The following NAALADL2 variants were observed in gnomAD, a reference collection of about 807,000 sequenced individuals.
The protein encoded by NAALADL2 is N-acetylated alpha-linked acidic dipeptidase like 2.
In NAALADL2, 76 loss-of-function variants were observed where a neutral mutation model predicts 87.2. The observed-to-expected ratio is 0.87, with a 90% CI of 0.72 to 1.05. The LOEUF (loss-of-function observed/expected upper bound fraction) is 1.05, where lower values mean the gene tolerates loss of function less well. Ranked by LOEUF, NAALADL2 falls within the 50% of genes least tolerant of loss-of-function variation. The pLI is 0.00. For missense variants in NAALADL2, 1,089 were observed against 945.8 expected (o/e 1.15, Z -1.99); for synonymous variants, 354 against 331.0 (o/e 1.07, Z -0.75).
rs1342171842 is a variant in NAALADL2, at chr3:175,701,471, T to G, written c.1897-35835T>G. ...TCACGATAGACCCAGGTCTCTGGTA[T>G]GCCTATGTGTGCGTGTATTAATATT... is the stretch of plus-strand genomic sequence containing the variant. On this transcript the variant is annotated intron_variant, in intron 11 of 13. Transcript: ENST00000454872. 2.0e-5 allele frequency among the ~76,000 whole-genome samples: 3 copies of G among 152,342 alleles called. No individual in the cohort carries two copies. In the East Asian group the frequency reaches 5.8e-4, roughly 29 times the overall value.
At position 175,332,353 on chromosome 3, in the gene NAALADL2, C is replaced by T. The variant is rs115697650; in HGVS notation, c.1090+8028C>T. Among the ~76,000 whole-genome samples, 252 of 152,246 alleles carry T rather than the reference C, an allele frequency of 1.7e-3. 2 individuals are homozygous for T. Among genetic ancestry groups the T allele is most frequent in the African/African-American group, 5.8e-3 (243 of 41,556 alleles). On this transcript the variant is annotated intron_variant, in intron 5 of 13. Coordinates refer to ENST00000454872, the MANE Select transcript of NAALADL2 (RefSeq NM_207015.3). ...CAAGCATATAGTAAACGAAACAATACGGTATTGGTATAAAAACAGAAACAC... is the reference window on the plus strand; with the variant it reads ...CAAGCATATAGTAAACGAAACAATATGGTATTGGTATAAAAACAGAAACAC...
chr3:174,942,068 G>T (rs1350581244), intron 1 of NAALADL2, among the ~76,000 whole-genome samples: 1 of 151,802 alleles, frequency 6.6e-6, no homozygotes, highest in Non-Finnish European at 1.5e-5. Context: ...TATTATGTTG[G>T]CTTCTCGGGT....
At chr3:175,199,172 T>A (rs1739438769) in intron 2 of NAALADL2, among the ~76,000 whole-genome samples, 1 of 152,176 alleles carries the variant, frequency 6.6e-6, no homozygotes, top group Non-Finnish European at 1.5e-5. Context: ...AGCGCAGAGC[T>A]TTCTCCAAGG....
chr3:174,702,830 G>A (rs192226480), intron 2 of NAALADL2, among the ~76,000 whole-genome samples: 3 of 152,284 alleles, frequency 2.0e-5, no homozygotes, highest in East Asian at 3.9e-4. Context: ...GTGCATAACT[G>A]TGATTATAAT....
intron 11 of NAALADL2, among the ~76,000 whole-genome samples, chr3:175,688,284 G>A (rs1736588703): frequency 6.6e-6 from 1 of 151,974 alleles, no homozygotes; most frequent in South Asian, 2.1e-4. Context: ...TATTTATTAT[G>A]TTTTCTATGA....
intron 10 of NAALADL2, among the ~76,000 whole-genome samples, chr3:175,596,166 T>C (rs1722219555): frequency 6.6e-6 from 1 of 151,980 alleles, no homozygotes; most frequent in African/African-American, 2.4e-5. Flanking sequence ...GTGCATTTGT[T>C]TATGTTCCAG....
chr3:175,345,487 G>T (rs144511116), intron 5 of NAALADL2, among the ~76,000 whole-genome samples: 2 of 152,104 alleles, frequency 1.3e-5, no homozygotes, highest in Non-Finnish European at 2.9e-5. Context: ...GAGAATGAGC[G>T]TGTGATGCAA....
At chr3:175,403,691 A>G (rs927450704) in intron 5 of NAALADL2, among the ~76,000 whole-genome samples, 2 of 152,060 alleles carry the variant, frequency 1.3e-5, no homozygotes, top group African/African-American at 4.8e-5. Flanking sequence ...TGATATATTT[A>G]TTTTTGCCTT....
At chr3:175,311,286 A>G (rs751180249) in intron 4 of NAALADL2, among the ~76,000 whole-genome samples, 3 of 151,846 alleles carry the variant, frequency 2.0e-5, no homozygotes, top group Non-Finnish European at 4.4e-5. Flanking sequence ...AAAATTGTCA[A>G]ATAACATTAT....
At chr3:174,803,521 G>A (rs1451620477) in intron 3 of NAALADL2, among the ~76,000 whole-genome samples, 1 of 151,960 alleles carries the variant, frequency 6.6e-6, no homozygotes, top group South Asian at 2.1e-4. Flanking sequence ...TGCTTTTGGT[G>A]TTTTAGTCAT....
chr3:174,877,168 GACAA>G (rs1219294237), intron 1 of NAALADL2, among the ~76,000 whole-genome samples: 1 of 141,500 alleles, frequency 7.1e-6, no homozygotes, highest in Non-Finnish European at 1.6e-5. Context: ...TTTGGGGGGA[GACAA>G]ACATTCAGTC....
At chr3:174,866,194 A>G (rs889780845) in intron 1 of NAALADL2, among the ~76,000 whole-genome samples, 4 of 151,934 alleles carry the variant, frequency 2.6e-5, no homozygotes, top group African/African-American at 7.2e-5. Flanking sequence ...TATAGAGGAT[A>G]AGAGACAGGC....
intron 4 of NAALADL2, among the ~76,000 whole-genome samples, chr3:175,266,022 T>C (rs1751876880): frequency 6.6e-6 from 1 of 150,744 alleles, no homozygotes; most frequent in South Asian, 2.1e-4. Context: ...TTTGTAGTTT[T>C]AATATCGAGC....
chr3:175,093,884 T>C (rs1235233376), intron 1 of NAALADL2, among the ~76,000 whole-genome samples: 2 of 151,954 alleles, frequency 1.3e-5, no homozygotes, highest in Non-Finnish European at 2.9e-5. Flanking sequence ...TTCTAATTGA[T>C]GGCTCTGTCT....
chr3:174,896,476 CTA>C (rs950478349), intron 1 of NAALADL2, among the ~76,000 whole-genome samples: 3 of 152,144 alleles, frequency 2.0e-5, no homozygotes, highest in African/African-American at 4.8e-5. Context: ...TAAAGGATCT[CTA>C]TGATTAAAAT....
At chr3:175,332,680 T>C (rs1054485743) in intron 5 of NAALADL2, among the ~76,000 whole-genome samples, 2 of 152,226 alleles carry the variant, frequency 1.3e-5, no homozygotes, top group African/African-American at 2.4e-5. Context: ...ATTTTCTACA[T>C]GCTGATGAGA....
intron 3 of NAALADL2, among the ~76,000 whole-genome samples, chr3:174,747,731 C>T (rs1326221562): frequency 1.3e-5 from 2 of 150,660 alleles, no homozygotes; most frequent in African/African-American, 2.4e-5. Context: ...ATTAGTTCAA[C>T]GATTGTGGAA....
At chr3:175,612,384 T>C (rs1054767738) in intron 10 of NAALADL2, among the ~76,000 whole-genome samples, 2 of 152,180 alleles carry the variant, frequency 1.3e-5, no homozygotes, top group Non-Finnish European at 2.9e-5. Context: ...AGATAAGCTG[T>C]TGTTCCTGGT....
intron 1 of NAALADL2, among the ~76,000 whole-genome samples, chr3:174,469,556 G>C (rs537181898): frequency 1.3e-5 from 2 of 152,064 alleles, no homozygotes; most frequent in East Asian, 3.9e-4. Flanking sequence ...AGCCTCCCGA[G>C]TAGCTGGGAC....
Sources: allele counts gnomAD v4.1 joint callset (sites outside exome capture counted in the v4.1 genomes callset), GRCh38; gene constraint gnomAD v4.1.1; transcripts MANE v1.5; gene names NCBI Gene and HGNC (gene_info 2026-07-23, HGNC 2026-07-21).